CTNNA2: variants seen among roughly 807,000 people sequenced by gnomAD.
CTNNA2 encodes the protein catenin alpha 2, also known as catenin alpha-2.
CTNNA2 carries 42 observed loss-of-function variants against 101.0 expected under a neutral mutation model. The ratio of observed to expected loss-of-function variants is 0.42; its 90% CI spans 0.32 to 0.54. The LOEUF (loss-of-function observed/expected upper bound fraction) is 0.54, where lower values mean the gene tolerates loss of function less well. Ranked by LOEUF, CTNNA2 falls within the 20% of genes least tolerant of loss-of-function variation. The pLI, the probability that CTNNA2 is intolerant of heterozygous loss-of-function variation, is 0.14. For synonymous variants in CTNNA2, 450 were observed against 456.4 expected (o/e 0.99, Z 0.18); for missense variants, 871 against 1,223.1 (o/e 0.71, Z 4.29).
intron 3 of CTNNA2, among the ~76,000 whole-genome samples, chr2:79,333,544 T>A (rs79854578): frequency 0.11 from 16,488 of 152,162 alleles, 1,080 homozygotes; most frequent in East Asian, 0.26. Flanking sequence ...AGTTTATGAA[T>A]CAAAAGCTGT....
chr2:79,844,486 G>C (rs1680052895), intron 3 of CTNNA2, among the ~76,000 whole-genome samples: 1 of 152,112 alleles, frequency 6.6e-6, no homozygotes, highest in South Asian at 2.1e-4. Context: ...TATTTTGTCT[G>C]AGTTAGTGGG....
At position 79,744,420 on chromosome 2, in the gene CTNNA2, C is replaced by G; in HGVS notation, c.136C>G (p.Pro46Ala). Residue 46 changes from proline (P) to alanine (A), a missense_variant, in exon 3 of 19, where the codon CCA becomes GCA. Pro to Ala is a conservative substitution (Grantham distance 27). Coordinates refer to ENST00000402739, the MANE Select transcript of CTNNA2 (RefSeq NM_001282597.3). Reference sequence around the variant, plus strand: ...ACTTGTCAACACAAGCAACAAAGGCCCATCTGGTAAAAAGAAAGGGAGGTC... The same window carrying G: ...ACTTGTCAACACAAGCAACAAAGGCGCATCTGGTAAAAAGAAAGGGAGGTC... ...TTLVNTSNKG[P>A]SGKKKGRSKK... The G allele has an allele frequency of 6.2e-7, 1 of 1,613,614 alleles. No homozygotes were observed. Among genetic ancestry groups the G allele is most frequent in the Non-Finnish European group, 8.5e-7 (1 of 1,179,844 alleles).
At chr2:79,541,674 T>C (rs1186295302) in intron 1 of CTNNA2, among the ~76,000 whole-genome samples, 3 of 151,610 alleles carry the variant, frequency 2.0e-5, no homozygotes, top group African/African-American at 7.3e-5. Context: ...GTTGCCAGGC[T>C]GGAGTGCAGT....
intron 1 of CTNNA2, among the ~76,000 whole-genome samples, chr2:79,583,901 T>A (rs116484069): frequency 0.019 from 2,901 of 152,298 alleles, 43 homozygotes; most frequent in Admixed American, 0.027. Flanking sequence ...ATTTTTTTCT[T>A]CATTGTTTTC....
intron 7 of CTNNA2, among the ~76,000 whole-genome samples, chr2:80,146,494 A>G (rs562869730): frequency 3.3e-5 from 5 of 151,892 alleles, no homozygotes; most frequent in African/African-American, 9.6e-5. Context: ...TAGCTTCTCC[A>G]TCCATTTTTT....
At chr2:80,221,754 C>G (rs1241179280) in intron 7 of CTNNA2, among the ~76,000 whole-genome samples, 1 of 152,112 alleles carries the variant, frequency 6.6e-6, no homozygotes, top group Non-Finnish European at 1.5e-5. Context: ...CCTGAGCAAT[C>G]AAAAAGATGA....
chr2:80,608,456 C>T (rs1220133659), intron 17 of CTNNA2, 138 bp downstream of exon 17: 1 of 813,868 alleles, frequency 1.2e-6, no homozygotes, highest in African/African-American at 1.7e-5. Context: ...AATGTTATCA[C>T]CATTATTCCA....
chr2:80,459,325 A>G (rs1438877776), intron 9 of CTNNA2, among the ~76,000 whole-genome samples: 2 of 152,158 alleles, frequency 1.3e-5, no homozygotes, highest in South Asian at 2.1e-4. Context: ...AAAAACCACT[A>G]TACAAGTTGA....
intron 7 of CTNNA2, among the ~76,000 whole-genome samples, chr2:80,027,300 A>G (rs969957493): frequency 3.9e-5 from 6 of 152,196 alleles, no homozygotes; most frequent in Non-Finnish European, 8.8e-5. Flanking sequence ...TTCAAAGAAC[A>G]GACAAAAAAA....
At chr2:79,492,989 C>A (rs187523560) in intron 4 of CTNNA2, among the ~76,000 whole-genome samples, 165 of 152,124 alleles carry the variant, frequency 1.1e-3, no homozygotes, top group African/African-American at 2.7e-3. Context: ...GCAGAAAAAA[C>A]CACTTAATCA....
intron 2 of CTNNA2, among the ~76,000 whole-genome samples, chr2:79,689,651 G>C (rs1162550191): frequency 2.0e-5 from 3 of 151,864 alleles, no homozygotes; most frequent in Non-Finnish European, 4.4e-5. Context: ...AACCACAAAA[G>C]ATGTAGATAT....
chr2:80,374,173 T>C (rs544787354), intron 7 of CTNNA2, among the ~76,000 whole-genome samples: 48 of 152,152 alleles, frequency 3.2e-4, no homozygotes, highest in Non-Finnish European at 5.4e-4. Context: ...ATCATCCAGG[T>C]AGTAAACATA....
At chr2:79,520,911 T>C (rs995509743) in intron 1 of CTNNA2, among the ~76,000 whole-genome samples, 2 of 151,834 alleles carry the variant, frequency 1.3e-5, no homozygotes, top group Middle Eastern at 3.2e-3. Flanking sequence ...TTTGGCAGTT[T>C]CTCTTAATGT....
chr2:79,783,397 C>G (rs1247011484), intron 3 of CTNNA2, among the ~76,000 whole-genome samples: 5 of 152,156 alleles, frequency 3.3e-5, no homozygotes, highest in Admixed American at 2.6e-4. Flanking sequence ...GACTGCAGGG[C>G]CTTCGTCAAC....
At chr2:79,196,153 C>T (rs1254866010) in intron 1 of CTNNA2, among the ~76,000 whole-genome samples, 1 of 152,084 alleles carries the variant, frequency 6.6e-6, no homozygotes, top group Non-Finnish European at 1.5e-5. Context: ...AGGCAGGTCA[C>T]GAACTCCTGA....
At chr2:80,019,421 A>G (rs902706291) in intron 7 of CTNNA2, among the ~76,000 whole-genome samples, 1 of 152,226 alleles carries the variant, frequency 6.6e-6, no homozygotes, top group Non-Finnish European at 1.5e-5. Context: ...CAATGGGCCA[A>G]AACCTTCATC....
At chr2:80,569,664 A>C (rs1488948218) in intron 12 of CTNNA2, among the ~76,000 whole-genome samples, 1 of 16,636 alleles carries the variant, frequency 6.0e-5, no homozygotes, top group African/African-American at 1.2e-4. Context: ...TTTTTTTGAG[A>C]TGGAGTCTTG....
chr2:80,568,327 A>G (rs1188253188), intron 12 of CTNNA2, among the ~76,000 whole-genome samples: 1 of 152,210 alleles, frequency 6.6e-6, no homozygotes, highest in Non-Finnish European at 1.5e-5. Flanking sequence ...GAAATACTGG[A>G]TGACAAAGGA....
chr2:79,835,606 A>G (rs1342628431), intron 3 of CTNNA2, among the ~76,000 whole-genome samples: 1 of 146,314 alleles, frequency 6.8e-6, no homozygotes, highest in Non-Finnish European at 1.5e-5. Context: ...GAGTGAGGCC[A>G]TTAGATGTGA....
Sources: allele counts gnomAD v4.1 joint callset (sites outside exome capture counted in the v4.1 genomes callset), GRCh38; gene constraint gnomAD v4.1.1; transcripts MANE v1.5; gene names NCBI Gene and HGNC (gene_info 2026-07-23, HGNC 2026-07-21).